OR2L13: variants seen among roughly 807,000 people sequenced by gnomAD.
The protein encoded by OR2L13 is olfactory receptor family 2 subfamily L member 13, also known as olfactory receptor 2L13.
A neutral mutation model predicts 15.3 loss-of-function variants in OR2L13; 14 were observed. The observed-to-expected ratio is 0.91, with a 90% CI of 0.60 to 1.43. OR2L13 has a LOEUF of 1.43. Ranked by LOEUF, OR2L13 falls within the 40% of genes most tolerant of loss-of-function variation. The probability of loss-of-function intolerance (pLI) is 0.00; values close to 1 mark genes in which losing one functional copy is unlikely to be tolerated. For missense variants in OR2L13, 367 were observed against 387.9 expected (o/e 0.95, Z 0.45); for synonymous variants, 152 against 142.9 (o/e 1.06, Z -0.45).
At chr1:247,961,557 G>A in the OR2L13 span, among the ~76,000 whole-genome samples, 1 of 152,144 alleles carries the variant, frequency 6.6e-6, no homozygotes, top group East Asian at 1.9e-4. Flanking sequence ...CCGATGTCCG[G>A]TTCAGATGGA....
At chr1:247,966,203 T>C in the OR2L13 span, 2 of 1,613,858 alleles carry the variant, frequency 1.2e-6, no homozygotes, top group Non-Finnish European at 1.7e-6. Context: ...GCGGTGGCAG[T>C]ATTTTACACC....
At chr1:247,950,182 C>G in the OR2L13 span, among the ~76,000 whole-genome samples, 4 of 152,090 alleles carry the variant, frequency 2.6e-5, no homozygotes, top group African/African-American at 9.6e-5. Context: ...AACCAAAAAT[C>G]TCTTGACTTG....
the OR2L13 span, chr1:247,949,313 G>A: frequency 3.3e-5 from 54 of 1,614,034 alleles, no homozygotes; most frequent in Middle Eastern, 1.6e-4. Context: ...TCATAGGCTC[G>A]ATCAATGCTT....
At chr1:247,966,852 A>G in the OR2L13 span, among the ~76,000 whole-genome samples, 1 of 152,214 alleles carries the variant, frequency 6.6e-6, no homozygotes, top group Non-Finnish European at 1.5e-5. Context: ...TGAATAATGT[A>G]TTAACAGGAA....
chr1:248,003,107 C>T, the OR2L13 span: 1 of 1,122,388 alleles, frequency 8.9e-7, no homozygotes, highest in Non-Finnish European at 1.4e-6. Context: ...TGTCTCCCTT[C>T]CGGATGGATT....
At chr1:248,074,277 A>G in the OR2L13 span, among the ~76,000 whole-genome samples, 1 of 152,146 alleles carries the variant, frequency 6.6e-6, no homozygotes, top group Non-Finnish European at 1.5e-5. Flanking sequence ...ACGTGAAGAT[A>G]CCACCACTAG....
At chr1:248,038,734 G>C in the OR2L13 span, 1 of 1,614,084 alleles carries the variant, frequency 6.2e-7, no homozygotes, top group South Asian at 1.1e-5. Flanking sequence ...ATCAACTCTT[G>C]TGCTCACACA....
the OR2L13 span, among the ~76,000 whole-genome samples, chr1:248,006,367 A>C: frequency 6.6e-6 from 1 of 151,996 alleles, no homozygotes; most frequent in East Asian, 1.9e-4. Context: ...CTACTGAACC[A>C]AAACTGCATG....
the OR2L13 span, chr1:248,022,623 C>G: frequency 6.3e-5 from 102 of 1,614,096 alleles, no homozygotes; most frequent in African/African-American, 1.1e-3. Flanking sequence ...TGCTGTCTAC[C>G]GCATGCACTC....
At chr1:248,035,285 C>T in the OR2L13 span, among the ~76,000 whole-genome samples, 1 of 151,956 alleles carries the variant, frequency 6.6e-6, no homozygotes, top group Non-Finnish European at 1.5e-5. Context: ...CCCGTCTCTA[C>T]TAAAAATACA....
At chr1:248,043,061 G>C in the OR2L13 span, among the ~76,000 whole-genome samples, 1 of 152,108 alleles carries the variant, frequency 6.6e-6, no homozygotes, top group African/African-American at 2.4e-5. Flanking sequence ...CACCACTCTT[G>C]CTCCTTCTGG....
chr1:247,947,708 G>A, the OR2L13 span, among the ~76,000 whole-genome samples: 1 of 152,178 alleles, frequency 6.6e-6, no homozygotes, highest in Non-Finnish European at 1.5e-5. Flanking sequence ...GGAGGCCAAA[G>A]AGAATGGATG....
chr1:248,098,976 T>C (rs1664790281), intron 2 of OR2L13, among the ~76,000 whole-genome samples: 1 of 152,220 alleles, frequency 6.6e-6, no homozygotes, highest in South Asian at 2.1e-4. Flanking sequence ...AATTATTTAT[T>C]TTTGTTTGCT....
chr1:247,992,996 A>G, the OR2L13 span, among the ~76,000 whole-genome samples: 5 of 152,134 alleles, frequency 3.3e-5, no homozygotes, highest in African/African-American at 7.2e-5. Context: ...CCAACAGTGT[A>G]TAAGAATTCC....
chr1:248,095,230 C>T (rs1664689171), upstream of OR2L13: 1 of 152,178 alleles, frequency 6.6e-6, no homozygotes, highest in African/African-American at 2.4e-5. Flanking sequence ...TGTAAAATGC[C>T]TTATTCTGTT....
the OR2L13 span, among the ~76,000 whole-genome samples, chr1:247,988,987 CA>C: frequency 3.4e-4 from 52 of 152,050 alleles, no homozygotes; most frequent in African/African-American, 1.1e-3. Flanking sequence ...ATTAGGGGAG[CA>C]AAGATACAGA....
chr1:248,040,606 TTCTG>T, the OR2L13 span: 1 of 152,234 alleles, frequency 6.6e-6, no homozygotes, highest in Admixed American at 6.5e-5. Flanking sequence ...TATTTTCTCT[TTCTG>T]ATGATTTTCT....
At chr1:247,966,676 A>G in the OR2L13 span, among the ~76,000 whole-genome samples, 1 of 152,194 alleles carries the variant, frequency 6.6e-6, no homozygotes, top group Non-Finnish European at 1.5e-5. Context: ...TTTGTGTGTG[A>G]CACTGTTACA....
At chr1:248,022,915 C>A in the OR2L13 span, 1 of 1,568,998 alleles carries the variant, frequency 6.4e-7, no homozygotes. Flanking sequence ...AGTCAAAGCG[C>A]TAGGTTCATA....
Sources: gnomAD v4.1 joint callset for allele counts (sites outside exome capture counted in the v4.1 genomes callset) on GRCh38, gnomAD v4.1.1 for gene constraint, MANE v1.5 for transcripts, NCBI Gene and HGNC (gene_info 2026-07-23, HGNC 2026-07-21) for gene names.